The following TTC23L variants were observed in gnomAD, a reference collection of about 807,000 sequenced individuals.
TTC23L encodes tetratricopeptide repeat protein 23-like.
TTC23L carries 42 observed loss-of-function variants against 48.1 expected under a neutral mutation model. The ratio of observed to expected loss-of-function variants is 0.87; its 90% confidence interval spans 0.68 to 1.13. The LOEUF (loss-of-function observed/expected upper bound fraction) is 1.13, where lower values mean the gene tolerates loss of function less well. Among genes scored for constraint, TTC23L ranks in the 50% most tolerant of loss-of-function variants. TTC23L has a pLI of 0.00. For synonymous variants in TTC23L, 159 were observed against 157.2 expected (o/e 1.01, Z -0.09); for missense variants, 391 against 421.0 (o/e 0.93, Z 0.62).
At chr5:34,843,801 C>A (rs186771010) in intron 2 of TTC23L, among the ~76,000 whole-genome samples, 1 of 152,154 alleles carries the variant, frequency 6.6e-6, no homozygotes. Context: ...ACTGCACATT[C>A]TTTTCTCATT....
the TTC23L span, chr5:34,918,817 CT>C: frequency 0.019 from 2,563 of 132,310 alleles, 22 homozygotes; most frequent in African/African-American, 0.033. Context: ...CTTTTTGGGC[CT>C]TTTTTTTTTT....
At chr5:34,913,518 T>G in the TTC23L span, 1 of 1,604,580 alleles carries the variant, frequency 6.2e-7, no homozygotes, top group South Asian at 1.1e-5. Flanking sequence ...AAAAGGACAG[T>G]TAAATTAATT....
In TTC23L at chr5:34,866,843, A is replaced by C. The variant is rs756507463; in HGVS notation, c.663-49A>C. 4 of 1,485,712 alleles carry C rather than the reference A, an allele frequency of 2.7e-6. No individual in the cohort carries two copies. The South Asian group carries it at 4.0e-5, about 15-fold the overall frequency. The allele number at this position is 1,485,712 out of a possible 1,614,324, so 92.0% of individuals were successfully genotyped here. ...GGAATCAGTTCCTTTTGTGTCTGCA[A>C]AGTAAGTGGCCTCTCTGTGACTTTC... is the stretch of plus-strand genomic sequence containing the variant. On this transcript the variant is annotated intron_variant, in intron 6 of 10. Transcript: ENST00000505624.
At chr5:34,884,209 A>C (rs575351004) in intron 9 of TTC23L, among the ~76,000 whole-genome samples, 20 of 152,188 alleles carry the variant, frequency 1.3e-4, no homozygotes, top group Non-Finnish European at 2.9e-4. Context: ...ATACCTTTTC[A>C]TGATTAAAAA....
the TTC23L span, among the ~76,000 whole-genome samples, chr5:34,924,043 C>T: frequency 1.3e-5 from 2 of 152,186 alleles, no homozygotes; most frequent in African/African-American, 4.8e-5. Flanking sequence ...GTTTCTCTCT[C>T]AAAGCACCTC....
intron 9 of TTC23L, among the ~76,000 whole-genome samples, chr5:34,887,735 G>T (rs1762625728): frequency 6.6e-6 from 1 of 152,126 alleles, no homozygotes; most frequent in East Asian, 1.9e-4. Context: ...AAAGTAGTTG[G>T]TATGCAGGAC....
the TTC23L span, chr5:34,909,000 A>T: frequency 7.1e-7 from 1 of 1,412,246 alleles, no homozygotes; most frequent in Non-Finnish European, 9.8e-7. Flanking sequence ...AACACTGCTC[A>T]GAACTCCCAA....
At chr5:34,850,440 A>G in intron 4 of TTC23L, 132 bp downstream of exon 4, 1 of 1,054,218 alleles carries the variant, frequency 9.5e-7, no homozygotes, top group Non-Finnish European at 1.4e-6. Flanking sequence ...TCAGGAAGGA[A>G]AGTCCATGGA....
At chr5:34,844,501 A>AT (rs747861642) in intron 2 of TTC23L, among the ~76,000 whole-genome samples, 24 of 140,926 alleles carry the variant, frequency 1.7e-4, no homozygotes, top group South Asian at 4.5e-4. Flanking sequence ...TGCTTTTCTG[A>AT]TTTTTTTTTT....
chr5:34,861,429 A>G (rs1036817454), intron 4 of TTC23L: 1 of 157,354 alleles, frequency 6.4e-6, no homozygotes, highest in African/African-American at 2.4e-5. Context: ...AATCTTGTGA[A>G]TTTGGAAAGG....
At chr5:34,906,315 G>T in the TTC23L span, 2 of 151,794 alleles carry the variant, frequency 1.3e-5, no homozygotes, top group Non-Finnish European at 1.5e-5. Context: ...ATTTATATTT[G>T]TTTTAAATTC....
intron 9 of TTC23L, among the ~76,000 whole-genome samples, chr5:34,887,720 A>C (rs1762625117): frequency 6.6e-6 from 1 of 152,226 alleles, no homozygotes; most frequent in Admixed American, 6.5e-5. Flanking sequence ...GAGGGGTCTC[A>C]TGAGAAAGTA....
the TTC23L span, among the ~76,000 whole-genome samples, chr5:34,917,330 A>AT: frequency 6.6e-6 from 1 of 152,160 alleles, no homozygotes; most frequent in African/African-American, 2.4e-5. Flanking sequence ...TAAGGATGTG[A>AT]TGGAAGTATT....
chr5:34,842,602 G>A (rs1176792417), intron 2 of TTC23L, among the ~76,000 whole-genome samples: 3 of 152,186 alleles, frequency 2.0e-5, no homozygotes, highest in Admixed American at 2.0e-4. Flanking sequence ...GGGGGTGGAA[G>A]AAGGGGTCAG....
At chr5:34,911,221 C>T in the TTC23L span, among the ~76,000 whole-genome samples, 1 of 152,202 alleles carries the variant, frequency 6.6e-6, no homozygotes, top group Admixed American at 6.5e-5. Context: ...ATAATACAAA[C>T]ACCCTTTCCA....
chr5:34,844,613 G>A (rs1288602766), intron 2 of TTC23L, among the ~76,000 whole-genome samples: 1 of 151,948 alleles, frequency 6.6e-6, no homozygotes, highest in African/African-American at 2.4e-5. Flanking sequence ...CAGTGGAAAA[G>A]AAAAGTAAAT....
the TTC23L span, among the ~76,000 whole-genome samples, chr5:34,915,113 G>A: frequency 6.6e-6 from 1 of 152,210 alleles, no homozygotes; most frequent in African/African-American, 2.4e-5. Context: ...TAATTCTGGA[G>A]GAAAATTATC....
At chr5:34,850,073 G>C (rs1157772651) in intron 3 of TTC23L, 112 bp from the exon 4 acceptor site, 2 of 1,255,148 alleles carry the variant, frequency 1.6e-6, no homozygotes, top group Non-Finnish European at 2.2e-6. Context: ...GAGAAGGAAA[G>C]AGAAGAGAAA....
At chr5:34,882,499 A>G (rs1013065623) in intron 9 of TTC23L, among the ~76,000 whole-genome samples, 16 of 152,098 alleles carry the variant, frequency 1.1e-4, no homozygotes, top group Admixed American at 1.0e-3. Flanking sequence ...ATTTTATAAC[A>G]CATTTCCCAT....
Sources: gnomAD v4.1 joint callset for allele counts (sites outside exome capture counted in the v4.1 genomes callset) on GRCh38, gnomAD v4.1.1 for gene constraint, MANE v1.5 for transcripts, NCBI Gene and HGNC (gene_info 2026-07-23, HGNC 2026-07-21) for gene names.